Variants in EPB41L1 observed in about 807,000 individuals in gnomAD.
EPB41L1 encodes erythrocyte membrane protein band 4.1 like 1.
Under a neutral mutation model 97.8 loss-of-function variants are expected in EPB41L1, and 29 were observed. The ratio of observed to expected loss-of-function variants is 0.30; its 90% CI spans 0.22 to 0.40. The LOEUF is 0.40. EPB41L1 is among the 10% of genes least tolerant of loss of function. The pLI, the probability that EPB41L1 is intolerant of heterozygous loss-of-function variation, is 1.00. For missense variants in EPB41L1, 812 were observed against 1,162.3 expected (o/e 0.70, Z 4.38); for synonymous variants, 383 against 459.2 (o/e 0.83, Z 2.12).
intron 1 of EPB41L1, chr20:36,155,191 G>C: frequency 2.2e-6 from 1 of 456,528 alleles, no homozygotes. Flanking sequence ...GTCTCTTTTC[G>C]GAGAGCACTC....
intron 9 of EPB41L1, 69 bp downstream of exon 9, chr20:36,188,568 G>A: frequency 7.9e-7 from 1 of 1,269,082 alleles, no homozygotes; most frequent in Non-Finnish European, 1.1e-6. Context: ...CTGGCAGCTG[G>A]GCCTGGACTG....
At chr20:36,094,913 C>A (rs145677552) in intron 1 of EPB41L1, among the ~76,000 whole-genome samples, 13 of 151,678 alleles carry the variant, frequency 8.6e-5, no homozygotes, top group East Asian at 5.8e-4. Flanking sequence ...GTGATTCTCC[C>A]GCCTCAGCCT....
At chr20:36,125,396 T>C (rs189771939) in intron 2 of EPB41L1, 101 of 715,310 alleles carry the variant, frequency 1.4e-4, no homozygotes, top group Admixed American at 7.4e-4. Context: ...TTTGCATTTC[T>C]GATTCTGTTT....
At chr20:36,183,439 G>T (rs755887631) in intron 6 of EPB41L1, among the ~76,000 whole-genome samples, 1 of 152,240 alleles carries the variant, frequency 6.6e-6, no homozygotes, top group Non-Finnish European at 1.5e-5. Context: ...CTGAGGTCAG[G>T]TGCGGGCTAA....
Position 36,212,186 on chromosome 20 carries a change from C to A in EPB41L1, c.2080-86C>A. 7.9e-7 allele frequency: 1 copy of A among 1,268,604 alleles called. No individual in the cohort carries two copies. The highest frequency in any genetic ancestry group is 1.2e-6 in the Non-Finnish European group (1 of 868,954). 78.6% of individuals were successfully genotyped at this position (1,268,604 alleles called of 1,614,324 possible). On this transcript the variant is annotated intron_variant, in intron 15 of 21. Coordinates refer to ENST00000338074, the MANE Select transcript of EPB41L1 (RefSeq NM_012156.2). The surrounding 1 kb of genome is among the most constrained non-coding windows in gnomAD (Gnocchi z 4.8). The stretch of plus-strand genomic sequence containing the variant: ...GGCCAGCTGTGGGGATAGGAGATAG[C>A]CTGCAGACACCACACTGCAATTGTC...
At chr20:36,104,090 A>C (rs1360672950) in intron 1 of EPB41L1, among the ~76,000 whole-genome samples, 4 of 152,182 alleles carry the variant, frequency 2.6e-5, no homozygotes, top group Admixed American at 2.6e-4. Flanking sequence ...TAATAATAAC[A>C]GGAGTTCCTT....
chr20:36,128,202 A>T (rs1430433373), intron 2 of EPB41L1, among the ~76,000 whole-genome samples: 1 of 152,138 alleles, frequency 6.6e-6, no homozygotes, highest in Non-Finnish European at 1.5e-5. Context: ...CAGGAATAAT[A>T]ATGCCACCTC....
chr20:36,130,252 T>G (rs953725450), intron 2 of EPB41L1, among the ~76,000 whole-genome samples: 1 of 151,804 alleles, frequency 6.6e-6, no homozygotes, highest in South Asian at 2.1e-4. Context: ...GTGTTTTTTT[T>G]TTTGTTTTTT....
chr20:36,185,047 G>A (rs552462148), intron 6 of EPB41L1, 70 bp from the exon 7 acceptor site: 2 of 1,481,302 alleles, frequency 1.4e-6, no homozygotes, highest in Non-Finnish European at 1.9e-6. Flanking sequence ...AGTTCTGATG[G>A]ACAGCTGTGC....
At chr20:36,191,019 C>G (rs959884482) in intron 11 of EPB41L1, among the ~76,000 whole-genome samples, 1 of 152,224 alleles carries the variant, frequency 6.6e-6, no homozygotes, top group Admixed American at 6.5e-5. Flanking sequence ...CTACCACTCT[C>G]TGGATTCCCC....
rs527537687 is a variant in EPB41L1 at position 36,187,587 on chromosome 20, T to C, written c.786-89T>C. ...GCTCAGCATATTTGACTTTCTAGAA[T>C]CATGGGTTCTGATGGTGGGCACCTT... On this transcript the variant is annotated intron_variant, in intron 7 of 21. Transcript: ENST00000338074. The C allele has an allele frequency of 1.8e-4, 190 of 1,042,746 alleles. 2 individuals are homozygous for C. In the East Asian group the frequency reaches 4.6e-3, roughly 25 times the overall value. 64.6% of individuals were successfully genotyped at this position (1,042,746 alleles called of 1,614,324 possible).
At chr20:36,135,584 C>A (rs1319058609) in intron 2 of EPB41L1, among the ~76,000 whole-genome samples, 2 of 152,242 alleles carry the variant, frequency 1.3e-5, no homozygotes, top group Non-Finnish European at 2.9e-5. Flanking sequence ...ATGGGAAGTG[C>A]AAGTGTCTAG....
intron 2 of EPB41L1, among the ~76,000 whole-genome samples, chr20:36,126,517 C>A (rs1310792404): frequency 3.9e-5 from 6 of 152,130 alleles, no homozygotes; most frequent in African/African-American, 1.4e-4. Flanking sequence ...CAGGCATGTG[C>A]CACCACGCCC....
chr20:36,218,957 T>C lies in EPB41L1; in HGVS notation c.2350T>C (p.Ser784Pro), dbSNP rs1458252464. ...QTVATEIRSL[S>P]PIIGKDVLTS... ...GGTGGCCACGGAAATCCGTTCTCTT[T>C]CTCCGGTAAGTGGGCAAGGCCAGCT... The change falls in exon 18 of 22, where the codon TCT (serine) becomes CCT (proline). Residue 784 changes from serine to proline, a missense_variant. Ser to Pro is a moderately conservative substitution (Grantham distance 74, BLOSUM62 -1). Transcript: ENST00000338074. 1.2e-6 allele frequency: 2 copies of C among 1,614,114 alleles called. No individual in the cohort carries two copies. The highest frequency in any genetic ancestry group is 1.7e-6 in the Non-Finnish European group (2 of 1,180,008).
chr20:36,170,186 A>C (rs1345035115), intron 1 of EPB41L1, among the ~76,000 whole-genome samples: 1 of 152,148 alleles, frequency 6.6e-6, no homozygotes, highest in Non-Finnish European at 1.5e-5. Context: ...AATTTTTAAA[A>C]GGTTTAAACA....
chr20:36,105,886 T>C (rs1254143100), intron 1 of EPB41L1, among the ~76,000 whole-genome samples: 1 of 152,166 alleles, frequency 6.6e-6, no homozygotes, highest in African/African-American at 2.4e-5. Flanking sequence ...TTTTTCTGGC[T>C]GGTACCTGCC....
intron 12 of EPB41L1, 77 bp downstream of exon 12, chr20:36,194,437 T>C: frequency 6.5e-7 from 1 of 1,532,318 alleles, no homozygotes; most frequent in Non-Finnish European, 8.8e-7. Flanking sequence ...GGCCTTGACC[T>C]TCACATGCCT....
chr20:36,145,056 G>A (rs145138717), intron 2 of EPB41L1, among the ~76,000 whole-genome samples: 4 of 152,268 alleles, frequency 2.6e-5, no homozygotes, highest in Admixed American at 6.5e-5. Context: ...CAGGAGGGCT[G>A]ATGAAAGCAC....
rs765673962 is a variant in EPB41L1 at position 36,204,471 on chromosome 20, C to CTTTTTTTTTTTTTTTTT, written c.1669-5007_1669-4991dup. 8.8e-5 allele frequency among the ~76,000 whole-genome samples: 8 copies of CTTTTTTTTTTTTTTTTT among 90,600 alleles called. 2 individuals are homozygous for CTTTTTTTTTTTTTTTTT. Among genetic ancestry groups the CTTTTTTTTTTTTTTTTT allele is most frequent in the African/African-American group, 4.6e-4 (8 of 17,386 alleles). 59.4% of individuals were successfully genotyped at this position (90,600 alleles called of 152,430 possible). A position where few individuals can be genotyped will look rare whatever the true frequency, so the allele number is the denominator to read the frequency against. ...GGCCTAACAGTGCTGCGATCTGGTG[C>CTTTTTTTTTTTTTTTTT]TTTTTTTTTTTTTTTTTTTTTTTTT... On this transcript the variant is annotated intron_variant, in intron 14 of 21. Transcript: ENST00000338074.
Sources: gnomAD v4.1 joint callset for allele counts (sites outside exome capture counted in the v4.1 genomes callset) on GRCh38, gnomAD v4.1.1 for gene constraint, Gnocchi (gnomAD v3.1) non-coding constraint, MANE v1.5 for transcripts, NCBI Gene and HGNC (gene_info 2026-07-23, HGNC 2026-07-21) for gene names.